STX7: variants seen among roughly 807,000 people sequenced by gnomAD.
The protein encoded by STX7 is syntaxin-7.
Under a neutral mutation model 39.6 loss-of-function variants are expected in STX7, and 34 were observed. The ratio of observed to expected loss-of-function variants is 0.86; its 90% CI spans 0.65 to 1.14. The LOEUF is 1.14. Ranked by LOEUF, STX7 falls within the 50% of genes most tolerant of loss-of-function variation. The pLI is 0.00. For missense variants in STX7, 284 were observed against 310.4 expected, an observed-to-expected ratio of 0.92 and a Z score of 0.64; for synonymous variants, 119 against 99.1, an observed-to-expected ratio of 1.20 and a Z score of -1.19.
intron 2 of STX7, among the ~76,000 whole-genome samples, chr6:132,496,940 A>G (rs1775433374): frequency 6.6e-6 from 1 of 152,234 alleles, no homozygotes; most frequent in South Asian, 2.1e-4. Context: ...AAAAAGCTGT[A>G]AACATCAAAT....
chr6:132,461,193 T>C (rs910964711), intron 9 of STX7, among the ~76,000 whole-genome samples: 4 of 152,166 alleles, frequency 2.6e-5, no homozygotes, highest in African/African-American at 2.4e-5. Context: ...TGAATAAAAA[T>C]AAAGAACAGC....
At chr6:132,464,215 T>A in intron 8 of STX7, 140 bp from the exon 9 acceptor site, 1 of 790,844 alleles carries the variant, frequency 1.3e-6, no homozygotes, top group African/African-American at 1.7e-5. Flanking sequence ...AAGTTGAATT[T>A]TTTTAAGCTG....
intron 3 of STX7, among the ~76,000 whole-genome samples, chr6:132,473,529 T>A (rs1396545140): frequency 1.3e-5 from 2 of 150,744 alleles, no homozygotes; most frequent in Non-Finnish European, 3.0e-5. Context: ...TGTTTTTTTT[T>A]TTTTCTTGAA....
chr6:132,493,053 G>T (rs73772506), intron 2 of STX7, among the ~76,000 whole-genome samples: 2,430 of 152,252 alleles, frequency 0.016, 53 homozygotes, highest in African/African-American at 0.053. Flanking sequence ...CAGTATCTTG[G>T]TGATGTCTGT....
chr6:132,488,509 T>C (rs1324408715), intron 2 of STX7, among the ~76,000 whole-genome samples: 2 of 152,224 alleles, frequency 1.3e-5, no homozygotes, highest in East Asian at 1.9e-4. Context: ...TCTATTTTCC[T>C]TGCAGTTTTG....
In STX7 at chr6:132,447,615, T is replaced by C. The variant is rs1182746653; in HGVS notation, c.*13143A>G. On this transcript the variant is annotated 3_prime_UTR_variant, in exon 10 of 10. Transcript: ENST00000367941. ...TTAATAACTTTGTTTAGAACTGTTATACCTACTTCAGTTGAAATTTTTATT... is the reference window on the plus strand; with the variant it reads ...TTAATAACTTTGTTTAGAACTGTTACACCTACTTCAGTTGAAATTTTTATT... 1.3e-5 allele frequency: 2 copies of C among 152,160 alleles called. No homozygotes were observed. The highest frequency in any genetic ancestry group is 2.9e-5 in the Non-Finnish European group (2 of 68,004). The allele number at this position is 152,160 out of a possible 1,614,324, so 9.4% of individuals were successfully genotyped here. A position where few individuals can be genotyped will look rare whatever the true frequency, so the allele number is the denominator to read the frequency against.
chr6:132,483,722 A>G (rs1398399773), intron 2 of STX7, among the ~76,000 whole-genome samples: 1 of 152,156 alleles, frequency 6.6e-6, no homozygotes. Flanking sequence ...GAAGGTATGG[A>G]TAGTAGGATA....
chr6:132,460,988 G>GT, intron 9 of STX7, 138 bp from the exon 10 acceptor site: 1 of 636,086 alleles, frequency 1.6e-6, no homozygotes, highest in African/African-American at 1.9e-5. Context: ...ATTTTTGACT[G>GT]TGTTTTTTTG....
chr6:132,497,775 TTATACTATACATCACAGCTAG>T (rs1775452845), intron 2 of STX7, among the ~76,000 whole-genome samples: 1 of 152,220 alleles, frequency 6.6e-6, no homozygotes, highest in African/African-American at 2.4e-5. Context: ...TTGCTTATCC[TTATACTATACATCACAGCTAG>T]GAGTATGTCT....
chr6:132,449,456 T>G lies in STX7; in HGVS notation c.*11302A>C, dbSNP rs1376468737. ...CCAGGCTTTTCTTAGCTCTGGAAAT[T>G]TGTCAGCAATTACCTCAATTTTTTT... On this transcript the variant is annotated 3_prime_UTR_variant, in exon 10 of 10. Transcript: ENST00000367941. 1 of 152,098 alleles carries G rather than the reference T, an allele frequency of 6.6e-6. No individual in the cohort carries two copies. 9.4% of individuals were successfully genotyped at this position (152,098 alleles called of 1,614,324 possible). A position where few individuals can be genotyped will look rare whatever the true frequency, so the allele number is the denominator to read the frequency against.
In STX7 at chr6:132,464,664, G is replaced by A. The variant is rs961496708; in HGVS notation, c.611-589C>T. On this transcript the variant is annotated intron_variant, in intron 8 of 9. Transcript: ENST00000367941. ...TCTTTGTAAATGGAATGTAATTTAA[G>A]TTACTGGAGCATAATACCTATGCTC... Among the ~76,000 whole-genome samples, 19 of 152,154 alleles carry A rather than the reference G, an allele frequency of 1.2e-4. 1 individual carries two copies. Among genetic ancestry groups the A allele is most frequent in the Non-Finnish European group, 2.8e-4 (19 of 68,036 alleles).
At chr6:132,489,870 C>A (rs978923290) in intron 2 of STX7, among the ~76,000 whole-genome samples, 3 of 152,118 alleles carry the variant, frequency 2.0e-5, no homozygotes, top group African/African-American at 7.2e-5. Context: ...AATTTGGGGG[C>A]ATTTTAAAGC....
chr6:132,475,630 C>G lies in STX7; in HGVS notation c.118G>C (p.Gly40Arg). 9 of 1,608,218 alleles carry G rather than the reference C, an allele frequency of 5.6e-6. No individual in the cohort carries two copies. The highest frequency in any genetic ancestry group is 7.6e-6 in the Non-Finnish European group (9 of 1,177,354). Residue 40 changes from glycine (G) to arginine (R), a missense_variant, in exon 3 of 10, where the codon GGA (glycine) becomes CGA (arginine). Transcript: ENST00000367941. ...AATTCAGGTGAATCTTGAGGTGTTC[C>G]AAGTTGATTCAGAGTTCTTTGTATT... ...VEIQRTLNQL[G>R]TPQDSPELRQ... is the part of the protein sequence containing the mutation.
At position 132,497,099 on chromosome 6, in the gene STX7, A is replaced by G. The variant is rs146599336; in HGVS notation, c.85+6347T>C. ...CCAGTAACCCAATTCCTTCACATACATGCACCAAAAGAACATATAAGAATG... is the reference window on the plus strand; with the variant it reads ...CCAGTAACCCAATTCCTTCACATACGTGCACCAAAAGAACATATAAGAATG... On this transcript the variant is annotated intron_variant, in intron 2 of 9. Transcript: ENST00000367941. Among the ~76,000 whole-genome samples, 29 of 152,342 alleles carry G rather than the reference A, an allele frequency of 1.9e-4. 1 individual carries two copies. Among genetic ancestry groups the G allele is most frequent in the African/African-American group, 6.7e-4 (28 of 41,576 alleles).
intron 1 of STX7, among the ~76,000 whole-genome samples, chr6:132,508,719 C>G (rs183506789): frequency 6.6e-6 from 1 of 151,006 alleles, no homozygotes; most frequent in African/African-American, 2.5e-5. Flanking sequence ...ACTTTGTTGC[C>G]CAGACTGGTC....
intron 1 of STX7, among the ~76,000 whole-genome samples, chr6:132,511,735 G>T (rs566749948): frequency 6.6e-6 from 1 of 152,120 alleles, no homozygotes; most frequent in Non-Finnish European, 1.5e-5. Flanking sequence ...CAATACCGAG[G>T]ATTGTTTTTT....
In STX7 at chr6:132,455,942, T is replaced by A. The variant is rs1053111535; in HGVS notation, c.*4816A>T. 3.9e-5 allele frequency: 6 copies of A among 152,186 alleles called. No homozygotes were observed. The highest frequency in any genetic ancestry group is 1.4e-4 in the African/African-American group (6 of 41,440). The allele number at this position is 152,186 out of a possible 1,614,324, so 9.4% of individuals were successfully genotyped here. On this transcript the variant is annotated 3_prime_UTR_variant, in exon 10 of 10. Coordinates refer to ENST00000367941, the MANE Select transcript of STX7 (RefSeq NM_003569.3). Reference sequence around the variant, plus strand: ...TAAAAACATTTTAAGAAACATTTCTTTATATGGAGCATACTTACTGTTTTT... The same window carrying A: ...TAAAAACATTTTAAGAAACATTTCTATATATGGAGCATACTTACTGTTTTT...
chr6:132,511,633 A>G (rs964716772), intron 1 of STX7, among the ~76,000 whole-genome samples: 17 of 152,346 alleles, frequency 1.1e-4, no homozygotes, highest in African/African-American at 4.1e-4. Flanking sequence ...TGCTCTGTCT[A>G]CATAAGTATC....
chr6:132,482,963 G>C (rs1334493447), intron 2 of STX7, among the ~76,000 whole-genome samples: 1 of 150,966 alleles, frequency 6.6e-6, no homozygotes, highest in African/African-American at 2.4e-5. Flanking sequence ...CAGTTTTAAA[G>C]GGTTAACAAA....
Sources: gnomAD v4.1 joint callset for allele counts (sites outside exome capture counted in the v4.1 genomes callset) on GRCh38, gnomAD v4.1.1 for gene constraint, MANE v1.5 for transcripts, NCBI Gene and HGNC (gene_info 2026-07-23, HGNC 2026-07-21) for gene names.